Variants in CDH6 observed in about 807,000 individuals in gnomAD.
CDH6 encodes the protein cadherin-6.
In CDH6, 31 loss-of-function variants were observed where a neutral mutation model predicts 78.0. The observed-to-expected ratio is 0.40, with a 90% confidence interval of 0.30 to 0.54. The LOEUF (loss-of-function observed/expected upper bound fraction) is 0.54, where lower values mean the gene tolerates loss of function less well. Among genes scored for constraint, CDH6 ranks in the 20% least tolerant of loss-of-function variants. The pLI is 0.56. For synonymous variants in CDH6, 376 were observed against 368.8 expected (o/e 1.02, Z -0.23); for missense variants, 724 against 975.9 (o/e 0.74, Z 3.44).
At chr5:31,299,159 C>T (rs1489126458) in intron 4 of CDH6, among the ~76,000 whole-genome samples, 8 of 152,148 alleles carry the variant, frequency 5.3e-5, no homozygotes, top group African/African-American at 1.2e-4. Flanking sequence ...AATGTTTATA[C>T]ATCCATAATG....
intron 1 of CDH6, among the ~76,000 whole-genome samples, chr5:31,247,646 T>C (rs150733889): frequency 1.3e-5 from 2 of 152,364 alleles, no homozygotes; most frequent in East Asian, 3.9e-4. Context: ...CAGACAGCAA[T>C]CTGTTGAGCT....
rs1158489104 is a variant in CDH6 at position 31,316,349 on chromosome 5, A to G, written c.1512+20A>G. On this transcript the variant is annotated intron_variant, in intron 9 of 11. Coordinates refer to ENST00000265071, the MANE Select transcript of CDH6 (RefSeq NM_004932.4). ...GATCAGGTGAGTTTCATTAAAAAGT[A>G]TATTCAAGTTGAACATCAGATTAAT... 6.3e-7 allele frequency: 1 copy of G among 1,599,646 alleles called. No individual in the cohort carries two copies. Among genetic ancestry groups the G allele is most frequent in the Admixed American group, 1.7e-5 (1 of 57,270 alleles).
chr5:31,199,769 C>T (rs1371072804), intron 1 of CDH6, among the ~76,000 whole-genome samples: 2 of 143,392 alleles, frequency 1.4e-5, no homozygotes, highest in Non-Finnish European at 3.0e-5. Flanking sequence ...TTTATACATC[C>T]AAATAATAAT....
At chr5:31,320,354 G>A (rs1246371374) in intron 11 of CDH6, among the ~76,000 whole-genome samples, 2 of 152,110 alleles carry the variant, frequency 1.3e-5, no homozygotes, top group Non-Finnish European at 1.5e-5. Flanking sequence ...AGACAGTTGC[G>A]CTTTCAGACG....
At chr5:31,299,401 A>C (rs770090856) in intron 4 of CDH6, 63 bp from the exon 5 acceptor site, 31 of 1,334,644 alleles carry the variant, frequency 2.3e-5, no homozygotes, top group Non-Finnish European at 3.3e-5. Flanking sequence ...GTTTGCATAA[A>C]TCAATGATTC....
intron 1 of CDH6, among the ~76,000 whole-genome samples, chr5:31,204,999 C>A (rs952348863): frequency 6.6e-6 from 1 of 152,154 alleles, no homozygotes; most frequent in Non-Finnish European, 1.5e-5. Context: ...AGCAAAAGCC[C>A]ACCTGATACA....
chr5:31,307,136 T>C (rs1279343852), intron 7 of CDH6, among the ~76,000 whole-genome samples: 1 of 152,140 alleles, frequency 6.6e-6, no homozygotes, highest in Non-Finnish European at 1.5e-5. Context: ...TAGCAGGTCC[T>C]GTAGGGCTTT....
intron 1 of CDH6, among the ~76,000 whole-genome samples, chr5:31,260,392 T>C (rs1742181945): frequency 1.3e-5 from 2 of 152,210 alleles, no homozygotes; most frequent in Non-Finnish European, 2.9e-5. Context: ...GTTTAGTAGT[T>C]CTCACAATTA....
chr5:31,217,776 A>C (rs1740909092), intron 1 of CDH6, among the ~76,000 whole-genome samples: 1 of 152,150 alleles, frequency 6.6e-6, no homozygotes, highest in Non-Finnish European at 1.5e-5. Flanking sequence ...GAATAAATCC[A>C]AGTCCCAGGC....
intron 1 of CDH6, among the ~76,000 whole-genome samples, chr5:31,202,754 A>G (rs959469572): frequency 7.3e-5 from 11 of 151,376 alleles, no homozygotes; most frequent in African/African-American, 2.2e-4. Context: ...GTATATATGT[A>G]ACATATACAC....
chr5:31,215,057 A>G (rs1293114066), intron 1 of CDH6, among the ~76,000 whole-genome samples: 1 of 152,236 alleles, frequency 6.6e-6, no homozygotes, highest in African/African-American at 2.4e-5. Context: ...TAACATTAGT[A>G]TATTTTCAAC....
chr5:31,319,694 A>C (rs1241993947), intron 11 of CDH6, among the ~76,000 whole-genome samples: 1 of 152,234 alleles, frequency 6.6e-6, no homozygotes, highest in Non-Finnish European at 1.5e-5. Flanking sequence ...TGACGATTGA[A>C]GAAAGTGGAG....
chr5:31,222,514 T>A (rs1741031681), intron 1 of CDH6, among the ~76,000 whole-genome samples: 2 of 152,300 alleles, frequency 1.3e-5, no homozygotes, highest in Non-Finnish European at 2.9e-5. Context: ...GAGCTTAATA[T>A]GAAAGTGTTT....
intron 1 of CDH6, chr5:31,250,271 T>C (rs1441671915): frequency 2.0e-5 from 3 of 152,310 alleles, no homozygotes; most frequent in African/African-American, 7.2e-5. Flanking sequence ...CAAGGCAACT[T>C]GTGCATGGCC....
chr5:31,304,226 G>A (rs1737910857), intron 6 of CDH6, among the ~76,000 whole-genome samples: 2 of 152,022 alleles, frequency 1.3e-5, no homozygotes, highest in South Asian at 4.2e-4. Flanking sequence ...ATGATGATGA[G>A]GGATTCACAA....
At chr5:31,230,714 C>CT (rs1741289659) in intron 1 of CDH6, among the ~76,000 whole-genome samples, 5 of 152,010 alleles carry the variant, frequency 3.3e-5, no homozygotes, top group African/African-American at 1.2e-4. Flanking sequence ...TGATTGTGTC[C>CT]TCAAGTAGAA....
At chr5:31,284,753 A>T (rs1742969373) in intron 2 of CDH6, among the ~76,000 whole-genome samples, 1 of 152,230 alleles carries the variant, frequency 6.6e-6, no homozygotes, top group South Asian at 2.1e-4. Flanking sequence ...AGAACCACAG[A>T]TGCCACTGAG....
rs1278869560 is a variant in CDH6, at chr5:31,294,106, A to G, written c.373A>G (p.Ile125Val). ...RLDREEKPVY[I>V]LRAQAINRRT... ...GGACAGGGAAGAAAAACCCGTTTACATCCTTCGAGCTCAAGCTATAAACAG... is the reference window on the plus strand; with the variant it reads ...GGACAGGGAAGAAAAACCCGTTTACGTCCTTCGAGCTCAAGCTATAAACAG... The change falls in exon 3 of 12, where the codon ATC (isoleucine) becomes GTC (valine). Residue 125 changes from isoleucine to valine, a missense_variant. Transcript: ENST00000265071. This position sits in a 1 kb window ranked among gnomAD's most constrained non-coding sequence, Gnocchi z 4.1. 1 of 1,613,924 alleles carries G rather than the reference A, an allele frequency of 6.2e-7. No individual in the cohort carries two copies. Among genetic ancestry groups the G allele is most frequent in the African/African-American group, 1.3e-5 (1 of 74,894 alleles).
At chr5:31,253,827 T>G (rs895885193) in intron 1 of CDH6, among the ~76,000 whole-genome samples, 1 of 147,040 alleles carries the variant, frequency 6.8e-6, no homozygotes, top group Non-Finnish European at 1.5e-5. Flanking sequence ...GATACAGGGT[T>G]TTTTTTTTTT....
Sources: gnomAD v4.1 joint callset for allele counts (sites outside exome capture counted in the v4.1 genomes callset) on GRCh38, gnomAD v4.1.1 for gene constraint, Gnocchi (gnomAD v3.1) non-coding constraint, MANE v1.5 for transcripts, NCBI Gene and HGNC (gene_info 2026-07-23, HGNC 2026-07-21) for gene names.